Variants in THSD7B observed in about 807,000 individuals in gnomAD.
The protein encoded by THSD7B is thrombospondin type 1 domain containing 7B, also known as thrombospondin type-1 domain-containing protein 7B.
Under a neutral mutation model 213.6 loss-of-function variants are expected in THSD7B, and 138 were observed. That is an observed-to-expected ratio of 0.65 (90% confidence interval 0.56 to 0.74). The LOEUF (loss-of-function observed/expected upper bound fraction) is 0.74, where lower values mean the gene tolerates loss of function less well. Ranked by LOEUF, THSD7B falls within the 30% of genes least tolerant of loss-of-function variation. The pLI is 0.00. For synonymous variants in THSD7B, 742 were observed against 687.0 expected (o/e 1.08, Z -1.25); for missense variants, 1,931 against 1,991.5 (o/e 0.97, Z 0.58).
intron 11 of THSD7B, among the ~76,000 whole-genome samples, chr2:137,275,219 T>C (rs1682839509): frequency 1.3e-5 from 2 of 152,078 alleles, no homozygotes; most frequent in South Asian, 4.1e-4. Context: ...CTCTGAGGAC[T>C]AGAAATCATG....
chr2:137,452,042 AG>A (rs1687662094), intron 15 of THSD7B: 1 of 958,444 alleles, frequency 1.0e-6, no homozygotes, highest in Admixed American at 6.2e-5. Flanking sequence ...AGTACTGCTC[AG>A]ACTTGAATAT....
At chr2:137,530,033 A>G (rs1403635819) in intron 15 of THSD7B, among the ~76,000 whole-genome samples, 1 of 152,032 alleles carries the variant, frequency 6.6e-6, no homozygotes, top group Admixed American at 6.6e-5. Context: ...TAATACCACA[A>G]CATGTTCTTG....
At chr2:136,770,520 G>A (rs868780721) in intron 1 of THSD7B, among the ~76,000 whole-genome samples, 3 of 152,104 alleles carry the variant, frequency 2.0e-5, no homozygotes, top group Non-Finnish European at 4.4e-5. Context: ...CCCTCTGAAG[G>A]TCCCACTATC....
At chr2:137,079,212 T>C (rs1687693242) in intron 3 of THSD7B, among the ~76,000 whole-genome samples, 1 of 152,212 alleles carries the variant, frequency 6.6e-6, no homozygotes, top group African/African-American at 2.4e-5. Flanking sequence ...ATATATTCTC[T>C]ATTATCGATG....
At chr2:137,112,143 C>A (rs572417295) in intron 4 of THSD7B, among the ~76,000 whole-genome samples, 1 of 151,980 alleles carries the variant, frequency 6.6e-6, no homozygotes, top group African/African-American at 2.4e-5. Context: ...CAGATCCTAG[C>A]GACACTTTCT....
intron 1 of THSD7B, among the ~76,000 whole-genome samples, chr2:136,786,839 T>G (rs1480891398): frequency 6.6e-6 from 1 of 152,158 alleles, no homozygotes; most frequent in Non-Finnish European, 1.5e-5. Context: ...ACCTAATAAT[T>G]TTAGCACCAT....
chr2:137,190,924 G>A (rs1267447828), intron 7 of THSD7B, among the ~76,000 whole-genome samples: 3 of 152,212 alleles, frequency 2.0e-5, no homozygotes, highest in African/African-American at 7.2e-5. Context: ...ACTGCTGCGT[G>A]TCTCCTTGGG....
intron 5 of THSD7B, among the ~76,000 whole-genome samples, chr2:137,147,996 G>A (rs1679737061): frequency 6.6e-6 from 1 of 151,910 alleles, no homozygotes; most frequent in Non-Finnish European, 1.5e-5. Flanking sequence ...GTGATGTTAG[G>A]TGCTTGATAT....
intron 17 of THSD7B, among the ~76,000 whole-genome samples, chr2:137,611,005 TAAATAAAAAATA>T (rs1030528433): frequency 8.2e-5 from 12 of 146,306 alleles, no homozygotes; most frequent in African/African-American, 2.5e-4. Context: ...ATAATAATAA[TAAATAAAAAATA>T]AAATAAAAAA....
chr2:137,365,169 G>A (rs1685377366), intron 12 of THSD7B, among the ~76,000 whole-genome samples: 1 of 152,168 alleles, frequency 6.6e-6, no homozygotes, highest in Admixed American at 6.5e-5. Context: ...AAACGGTGCT[G>A]GGAAAACTGG....
intron 12 of THSD7B, among the ~76,000 whole-genome samples, chr2:137,328,883 G>T (rs927823563): frequency 3.3e-5 from 5 of 152,150 alleles, no homozygotes; most frequent in African/African-American, 1.2e-4. Flanking sequence ...CTTCTTCTAT[G>T]ATTGTAAGTT....
chr2:136,939,229 A>G (rs1047127895), intron 2 of THSD7B, among the ~76,000 whole-genome samples: 3 of 152,074 alleles, frequency 2.0e-5, no homozygotes, highest in African/African-American at 7.2e-5. Flanking sequence ...ACCAATCATC[A>G]TGTGAATTTC....
At chr2:137,358,661 G>A (rs1377281688) in intron 12 of THSD7B, among the ~76,000 whole-genome samples, 1 of 152,140 alleles carries the variant, frequency 6.6e-6, no homozygotes, top group African/African-American at 2.4e-5. Context: ...ATTTTTAGAG[G>A]TTCCAGAGAA....
intron 4 of THSD7B, among the ~76,000 whole-genome samples, chr2:137,113,580 G>T (rs1219573562): frequency 6.6e-6 from 1 of 152,080 alleles, no homozygotes; most frequent in Non-Finnish European, 1.5e-5. Context: ...GGGATTACAG[G>T]CATGTGCCAC....
At chr2:137,083,750 G>T (rs946147752) in intron 3 of THSD7B, among the ~76,000 whole-genome samples, 1 of 151,884 alleles carries the variant, frequency 6.6e-6, no homozygotes, top group African/African-American at 2.4e-5. Context: ...TGTTGCAAAC[G>T]TTCGCTGAGT....
intron 10 of THSD7B, among the ~76,000 whole-genome samples, chr2:137,271,029 A>T (rs77849854): frequency 6.6e-6 from 1 of 152,088 alleles, no homozygotes; most frequent in Non-Finnish European, 1.5e-5. Flanking sequence ...TGGGTCTTCT[A>T]GTATTAATGA....
intron 12 of THSD7B, among the ~76,000 whole-genome samples, chr2:137,283,353 A>G (rs149077632): frequency 2.7e-4 from 40 of 150,854 alleles, no homozygotes; most frequent in African/African-American, 9.7e-4. Context: ...TCTGCAAACA[A>G]TTTGACTTCC....
At chr2:137,457,426 C>A (rs1271189306) in intron 15 of THSD7B, among the ~76,000 whole-genome samples, 1 of 152,184 alleles carries the variant, frequency 6.6e-6, no homozygotes, top group African/African-American at 2.4e-5. Flanking sequence ...TCAGGATTGG[C>A]TGGAGACAGC....
chr2:137,581,163 A>G (rs1036093395), intron 17 of THSD7B, among the ~76,000 whole-genome samples: 1 of 152,254 alleles, frequency 6.6e-6, no homozygotes, highest in African/African-American at 2.4e-5. Flanking sequence ...TATGTGTTCA[A>G]AAATGATTAC....
Sources: allele counts gnomAD v4.1 joint callset (sites outside exome capture counted in the v4.1 genomes callset), GRCh38; gene constraint gnomAD v4.1.1; transcripts MANE v1.5; gene names NCBI Gene and HGNC (gene_info 2026-07-23, HGNC 2026-07-21).